Variants in TAS1R3 observed in about 807,000 individuals in gnomAD.
The protein encoded by TAS1R3 is taste 1 receptor member 3, also known as taste receptor type 1 member 3.
In TAS1R3, 58 loss-of-function variants were observed where a neutral mutation model predicts 46.1. The observed-to-expected ratio is 1.26, with a 90% CI of 1.02 to 1.57. The LOEUF (loss-of-function observed/expected upper bound fraction) is 1.57. Ranked by LOEUF, TAS1R3 falls within the 40% of genes most tolerant of loss-of-function variation. The probability of loss-of-function intolerance (pLI) is 0.00; values close to 1 mark genes in which losing one functional copy is unlikely to be tolerated. For synonymous variants in TAS1R3, 724 were observed against 544.7 expected, an observed-to-expected ratio of 1.33 and a Z score of -4.58; for missense variants, 1,422 against 1,185.8, an observed-to-expected ratio of 1.20 and a Z score of -2.93.
In TAS1R3 at chr1:1,333,830, TC is replaced by T; in HGVS notation, c.1928del (p.Pro643ArgfsTer6). On this transcript the variant is annotated frameshift_variant, in exon 6 of 6. Coordinates refer to ENST00000339381, the MANE Select transcript of TAS1R3 (RefSeq NM_152228.3). LOFTEE classifies it low-confidence loss of function (END_TRUNC). ...RCLAQQPLSH[L>X]PLTGCLSTLF... ...CTGGCCCAGCAGCCCTTGTCCCACC[TC>T]CCGCTCACGGGCTGCCTGAGCACAC... 2 of 1,600,170 alleles carry T rather than the reference TC, an allele frequency of 1.2e-6. No individual in the cohort carries two copies. Among genetic ancestry groups the T allele is most frequent in the Non-Finnish European group, 1.7e-6 (2 of 1,179,410 alleles).
rs770681591 is a variant in TAS1R3 at position 1,333,584 on chromosome 1, G to C, written c.1679G>C (p.Arg560Pro). Reference protein sequence around the residue: ...RSTRCFRRRSRFLAWGEPAVL... With the variant: ...RSTRCFRRRSPFLAWGEPAVL... ...ACACGCTGCTTCCGCCGCAGGTCTC[G>C]GTTCCTGGCATGGGGCGAGCCGGCT... The change falls in exon 6 of 6, where the codon CGG (arginine) becomes CCG (proline). Residue 560 changes from arginine to proline, a missense_variant. Physicochemically the swap from Arg to Pro is moderately radical, Grantham distance 103. Coordinates refer to ENST00000339381, the MANE Select transcript of TAS1R3 (RefSeq NM_152228.3). 1.2e-6 allele frequency: 2 copies of C among 1,607,796 alleles called. No homozygotes were observed. Among genetic ancestry groups the C allele is most frequent in the Non-Finnish European group, 1.7e-6 (2 of 1,179,918 alleles).
At position 1,332,594 on chromosome 1, in the gene TAS1R3, G is replaced by A; in HGVS notation, c.1063G>A (p.Gly355Ser). The A allele has an allele frequency of 6.2e-7, 1 of 1,611,358 alleles. No individual in the cohort carries two copies. Among genetic ancestry groups the A allele is most frequent in the Non-Finnish European group, 8.5e-7 (1 of 1,179,940 alleles). ...CGACCCGGCCTTCTGCTCTGCCCTG[G>A]GCGAGAGGGAGCAGGGTCTGGAGGA... ...ATDPAFCSAL[G>S]EREQGLEEDV... Residue 355 changes from glycine to serine, a missense_variant, in exon 3 of 6, where the codon GGC becomes AGC. Coordinates refer to ENST00000339381, the MANE Select transcript of TAS1R3 (RefSeq NM_152228.3).
Position 1,334,080 on chromosome 1 carries a change from C to T in TAS1R3, c.2175C>T (p.Arg725=), listed in dbSNP as rs1643498050. The change falls in exon 6 of 6, where the codon CGC becomes CGT. Residue 725 remains arginine, a synonymous_variant. Coordinates refer to ENST00000339381, the MANE Select transcript of TAS1R3 (RefSeq NM_152228.3). Reference sequence around the variant, plus strand: ...AGGCGCTGGTGCACTGCCGCACACGCTCCTGGGTCAGCTTCGGCCTAGCGC... The same window carrying T: ...AGGCGCTGGTGCACTGCCGCACACGTTCCTGGGTCAGCTTCGGCCTAGCGC... ...PTEALVHCRT[R]SWVSFGLAHA... is the part of the protein sequence containing the mutation. The T allele has an allele frequency of 1.9e-6, 3 of 1,596,586 alleles. No homozygotes were observed. The East Asian group carries it at 6.8e-5, about 36-fold the overall frequency.
chr1:1,332,504 C>G lies in TAS1R3; in HGVS notation c.973C>G (p.Leu325Val). 1 of 1,611,154 alleles carries G rather than the reference C, an allele frequency of 6.2e-7. No homozygotes were observed. Among genetic ancestry groups the G allele is most frequent in the Non-Finnish European group, 8.5e-7 (1 of 1,179,942 alleles). Residue 325 changes from leucine to valine, a missense_variant, in exon 3 of 6, where the codon CTC becomes GTC. By Grantham distance (32) the Leu-to-Val change is conservative. Coordinates refer to ENST00000339381, the MANE Select transcript of TAS1R3 (RefSeq NM_152228.3). Reference protein sequence around the residue: ...MAQMGTVLGFLQRGAQLHEFP... With the variant: ...MAQMGTVLGFVQRGAQLHEFP... ...CCAGATGGGCACGGTGCTTGGCTTC[C>G]TCCAGAGGGGTGCCCAGCTGCACGA...
chr1:1,335,185 C>G lies in TAS1R3; in HGVS notation c.*721C>G, dbSNP rs1643530425. 1 of 152,360 alleles carries G rather than the reference C, an allele frequency of 6.6e-6. No homozygotes were observed. Among genetic ancestry groups the G allele is most frequent in the African/African-American group, 2.4e-5 (1 of 41,464 alleles). The allele number at this position is 152,360 out of a possible 1,614,324, so 9.4% of individuals were successfully genotyped here. A position where few individuals can be genotyped will look rare whatever the true frequency, so the allele number is the denominator to read the frequency against. On this transcript the variant is annotated 3_prime_UTR_variant, in exon 6 of 6. Coordinates refer to ENST00000339381, the MANE Select transcript of TAS1R3 (RefSeq NM_152228.3). ...TCTCCGGTCAGAGTCCCAGGGTCAGCTCCCAGCAGGGCCTAGGGGAGGCTG... is the reference window on the plus strand; with the variant it reads ...TCTCCGGTCAGAGTCCCAGGGTCAGGTCCCAGCAGGGCCTAGGGGAGGCTG...
rs1259099606 is a variant in TAS1R3 at position 1,334,237 on chromosome 1, T to G, written c.2332T>G (p.Phe778Val). ...GGCCTACTTCATCACCTGGGTCTCCTTTGTGCCCCTCCTGGCCAATGTGCA... is the reference window on the plus strand; with the variant it reads ...GGCCTACTTCATCACCTGGGTCTCCGTTGTGCCCCTCCTGGCCAATGTGCA... ...MLAYFITWVS[F>V]VPLLANVQVV... The change falls in exon 6 of 6, where the codon TTT (phenylalanine) becomes GTT (valine). Residue 778 changes from phenylalanine (F) to valine (V), a missense_variant. Phe to Val is a conservative substitution (Grantham distance 50, BLOSUM62 -1). Coordinates refer to ENST00000339381, the MANE Select transcript of TAS1R3 (RefSeq NM_152228.3). 6.2e-7 allele frequency: 1 copy of G among 1,610,936 alleles called. No individual in the cohort carries two copies. The highest frequency in any genetic ancestry group is 8.5e-7 in the Non-Finnish European group (1 of 1,179,134).
At position 1,333,718 on chromosome 1, in the gene TAS1R3, C is replaced by T. The variant is rs537648881; in HGVS notation, c.1813C>T (p.Pro605Ser). ...CCCACTGGTTCAGGCCTCGGGGGGG[C>T]CCCTGGCCTGCTTTGGCCTGGTGTG... Reference protein sequence around the residue: ...DSPLVQASGGPLACFGLVCLG... With the variant: ...DSPLVQASGGSLACFGLVCLG... Residue 605 changes from proline to serine, a missense_variant, in exon 6 of 6, where the codon CCC becomes TCC. Transcript: ENST00000339381. 2 of 1,607,666 alleles carry T rather than the reference C, an allele frequency of 1.2e-6. No homozygotes were observed. The highest frequency in any genetic ancestry group is 1.7e-6 in the Non-Finnish European group (2 of 1,178,328).
chr1:1,333,324 C>T lies in TAS1R3; in HGVS notation c.1545C>T (p.His515=), dbSNP rs762875711. The change falls in exon 5 of 6, where the codon CAC becomes CAT. Residue 515 remains histidine, a synonymous_variant. Transcript: ENST00000339381. ...AGGTGCGCCGGGTCAAGGGGTTCCA[C>T]TCCTGCTGCTACGACTGTGTGGACT... ...EGQVRRVKGF[H]SCCYDCVDCE... 2.5e-6 allele frequency: 4 copies of T among 1,605,716 alleles called. No individual in the cohort carries two copies. Among genetic ancestry groups the T allele is most frequent in the Non-Finnish European group, 3.4e-6 (4 of 1,176,940 alleles).
Position 1,331,469 on chromosome 1 carries a change from C to A in TAS1R3, c.124C>A (p.Pro42Thr). The change falls in exon 1 of 6, where the codon CCC becomes ACC. Residue 42 changes from proline to threonine, a missense_variant. Coordinates refer to ENST00000339381, the MANE Select transcript of TAS1R3 (RefSeq NM_152228.3). ...GGACTACGTGCTGGGGGGGCTGTTC[C>A]CCCTGGGCGAGGCCGAGGAGGCTGG... Reference protein sequence around the residue: ...KGDYVLGGLFPLGEAEEAGLR... With the variant: ...KGDYVLGGLFTLGEAEEAGLR... 1 of 1,605,798 alleles carries A rather than the reference C, an allele frequency of 6.2e-7. No homozygotes were observed. Among genetic ancestry groups the A allele is most frequent in the Non-Finnish European group, 8.5e-7 (1 of 1,177,446 alleles).
Position 1,334,128 on chromosome 1 carries a change from C to T in TAS1R3, c.2223C>T (p.Ala741=). 3 of 1,580,798 alleles carry T rather than the reference C, an allele frequency of 1.9e-6. No individual in the cohort carries two copies. The highest frequency in any genetic ancestry group is 2.6e-6 in the Non-Finnish European group (3 of 1,163,496). ...CGCACGCCACCAATGCCACGCTGGC[C>T]TTTCTCTGCTTCCTGGGCACTTTCC... ...GLAHATNATL[A]FLCFLGTFLV... is the part of the protein sequence containing the mutation. Residue 741 remains alanine (A), a synonymous_variant, in exon 6 of 6, where the codon GCC becomes GCT. Transcript: ENST00000339381.
chr1:1,334,610 C>T lies in TAS1R3; in HGVS notation c.*146C>T. 1 of 931,912 alleles carries T rather than the reference C, an allele frequency of 1.1e-6. No individual in the cohort carries two copies. The highest frequency in any genetic ancestry group is 1.8e-5 in the South Asian group (1 of 56,438). 57.7% of individuals were successfully genotyped at this position (931,912 alleles called of 1,614,324 possible). On this transcript the variant is annotated 3_prime_UTR_variant, in exon 6 of 6. Transcript: ENST00000339381. Reference sequence around the variant, plus strand: ...TCCTGACCCTGACCCCACAGTGAGCCCTAGGCCTGGAGCACGTGGACACCC... The same window carrying T: ...TCCTGACCCTGACCCCACAGTGAGCTCTAGGCCTGGAGCACGTGGACACCC...
chr1:1,333,448 G>A lies in TAS1R3; in HGVS notation c.1601-58G>A. On this transcript the variant is annotated intron_variant, in intron 5 of 5. Coordinates refer to ENST00000339381, the MANE Select transcript of TAS1R3 (RefSeq NM_152228.3). ...GAGGGTCCTGCCAAGTCCTGACTCT[G>A]AGACCAGAGCCCACAGGGTACAAGA... 1.9e-6 allele frequency: 3 copies of A among 1,605,750 alleles called. No individual in the cohort carries two copies. The Admixed American group carries it at 5.0e-5, about 27-fold the overall frequency.
In TAS1R3 at chr1:1,332,431, C is replaced by A; in HGVS notation, c.900C>A (p.Ser300Arg). Residue 300 changes from serine (S) to arginine (R), a missense_variant, in exon 3 of 6, where the codon AGC becomes AGA. Ser to Arg is a moderately radical substitution (Grantham distance 110). Transcript: ENST00000339381. Reference sequence around the variant, plus strand: ...TCTCGCCCAAGGTGTGGGTGGCCAGCGAGGCCTGGCTGACCTCTGACCTGG... The same window carrying A: ...TCTCGCCCAAGGTGTGGGTGGCCAGAGAGGCCTGGCTGACCTCTGACCTGG... ...SRLSPKVWVA[S>R]EAWLTSDLVM... is the part of the protein sequence containing the mutation. 1 of 1,607,058 alleles carries A rather than the reference C, an allele frequency of 6.2e-7. No homozygotes were observed. The highest frequency in any genetic ancestry group is 8.5e-7 in the Non-Finnish European group (1 of 1,178,464).
In TAS1R3 at chr1:1,331,542, G is replaced by C. The variant is rs150310565; in HGVS notation, c.191+6G>C. 1.3e-6 allele frequency: 2 copies of C among 1,597,878 alleles called. No individual in the cohort carries two copies. The highest frequency in any genetic ancestry group is 1.7e-5 in the Admixed American group (1 of 57,280). On this transcript the variant is annotated splice_donor_region_variant and intron_variant, in intron 1 of 5. Coordinates refer to ENST00000339381, the MANE Select transcript of TAS1R3 (RefSeq NM_152228.3). ...AGCAGCCCTGTGTGCACCAGGTACA[G>C]AGGTGGGACGGCCTGGGTCGGGGTC...
Position 1,331,958 on chromosome 1 carries a change from A to AAAACCCCCCCC in TAS1R3, c.492+20_492+21insAAACCCCCCCC. ...CCCCAGGTGGGCGCCCCCCACCATC[A>AAAACCCCCCCC]CCCACCCCCACCCAGCCCTGCCCGT... On this transcript the variant is annotated intron_variant, in intron 2 of 5. Coordinates refer to ENST00000339381, the MANE Select transcript of TAS1R3 (RefSeq NM_152228.3). The AAAACCCCCCCC allele has an allele frequency of 6.6e-5, 101 of 1,537,726 alleles. No individual in the cohort carries two copies. Among genetic ancestry groups the AAAACCCCCCCC allele is most frequent in the Non-Finnish European group, 8.5e-5 (97 of 1,140,356 alleles).
In TAS1R3 at chr1:1,334,079, G is replaced by A. The variant is rs748069550; in HGVS notation, c.2174G>A (p.Arg725His). The change falls in exon 6 of 6, where the codon CGC becomes CAC. Residue 725 changes from arginine to histidine, a missense_variant. Coordinates refer to ENST00000339381, the MANE Select transcript of TAS1R3 (RefSeq NM_152228.3). ...PTEALVHCRT[R>H]SWVSFGLAHA... The stretch of plus-strand genomic sequence containing the variant: ...GAGGCGCTGGTGCACTGCCGCACAC[G>A]CTCCTGGGTCAGCTTCGGCCTAGCG... 17 of 1,596,302 alleles carry A rather than the reference G, an allele frequency of 1.1e-5. No individual in the cohort carries two copies. Among genetic ancestry groups the A allele is most frequent in the African/African-American group, 5.4e-5 (4 of 74,636 alleles).
At chr1:1,333,180 C>G (rs1391192244) in intron 4 of TAS1R3, 56 bp downstream of exon 4, 13 of 1,591,878 alleles carry the variant, frequency 8.2e-6, no homozygotes, top group South Asian at 1.1e-5. Flanking sequence ...CGGCAGGGCG[C>G]AGCCTGGGGG....
intron 4 of TAS1R3, 41 bp from the exon 5 acceptor site, chr1:1,333,218 A>C (rs765207344): frequency 6.3e-7 from 1 of 1,594,610 alleles, no homozygotes; most frequent in East Asian, 2.3e-5. Context: ...TCCCGTGGGC[A>C]TGCCCAGCCG....
Position 1,334,010 on chromosome 1 carries a change from C to T in TAS1R3, c.2105C>T (p.Ala702Val). 1 of 1,600,590 alleles carries T rather than the reference C, an allele frequency of 6.2e-7. No homozygotes were observed. Among genetic ancestry groups the T allele is most frequent in the Non-Finnish European group, 8.5e-7 (1 of 1,179,736 alleles). The change falls in exon 6 of 6, where the codon GCC becomes GTC. Residue 702 changes from alanine to valine, a missense_variant. Physicochemically the swap from Ala to Val is moderately conservative, Grantham distance 64 (BLOSUM62 0). Coordinates refer to ENST00000339381, the MANE Select transcript of TAS1R3 (RefSeq NM_152228.3). Reference protein sequence around the residue: ...EVALCTWYLVAFPPEVVTDWH... With the variant: ...EVALCTWYLVVFPPEVVTDWH... ...GCACTGTGCACCTGGTACCTGGTGG[C>T]CTTCCCGCCGGAGGTGGTGACGGAC... is the stretch of plus-strand genomic sequence containing the variant.
Sources: allele counts gnomAD v4.1 joint callset, GRCh38; gene constraint gnomAD v4.1.1; transcripts MANE v1.5; gene names NCBI Gene and HGNC (gene_info 2026-07-23, HGNC 2026-07-21).